Variants in GOLGB1 observed in about 807,000 individuals in gnomAD.
GOLGB1 encodes golgin B1.
A neutral mutation model predicts 336.9 loss-of-function variants in GOLGB1; 174 were observed. The ratio of observed to expected loss-of-function variants is 0.52; its 90% CI spans 0.46 to 0.59. The LOEUF (loss-of-function observed/expected upper bound fraction) is 0.59, where lower values mean the gene tolerates loss of function less well. Ranked by LOEUF, GOLGB1 falls within the 20% of genes least tolerant of loss-of-function variation. The pLI is 0.00. For synonymous variants in GOLGB1, 1,208 were observed against 1,289.2 expected (o/e 0.94, Z 1.35); for missense variants, 3,331 against 3,645.3 (o/e 0.91, Z 2.22).
intron 17 of GOLGB1, among the ~76,000 whole-genome samples, chr3:121,670,460 A>T (rs1356290153): frequency 6.6e-6 from 1 of 152,214 alleles, no homozygotes; most frequent in Non-Finnish European, 1.5e-5. Context: ...AAGATAATCC[A>T]TACATACTTG....
rs773742147 is a variant in GOLGB1 at position 121,691,944 on chromosome 3, G to A, written c.7420C>T (p.Leu2474Phe). Residue 2474 changes from leucine (L) to phenylalanine (F), a missense_variant, in exon 14 of 22, where the codon CTC becomes TTC. Transcript: ENST00000614479. ...ACTATGCGGTCTCGATCATTTTGGA[G>A]AGAAGACATGGATTTAACAAAGGAA... is the stretch of plus-strand genomic sequence containing the variant. ...LDSFVKSMSS[L>F]QNDRDRIVGD... 1 of 1,614,170 alleles carries A rather than the reference G, an allele frequency of 6.2e-7. No homozygotes were observed. Among genetic ancestry groups the A allele is most frequent in the Non-Finnish European group, 8.5e-7 (1 of 1,180,002 alleles).
intron 13 of GOLGB1, among the ~76,000 whole-genome samples, chr3:121,693,354 G>A (rs568684421): frequency 6.6e-5 from 10 of 152,278 alleles, no homozygotes; most frequent in Admixed American, 2.0e-4. Flanking sequence ...TGGGCGTGTT[G>A]GTAGGCTCCT....
Position 121,693,878 on chromosome 3 carries a change from T to C in GOLGB1, c.6645A>G (p.Lys2215=). 1.9e-6 allele frequency: 3 copies of C among 1,614,076 alleles called. No individual in the cohort carries two copies. Among genetic ancestry groups the C allele is most frequent in the Non-Finnish European group, 2.5e-6 (3 of 1,179,916 alleles). Reference sequence around the variant, plus strand: ...TCGCATCACTAAACTTCCTCTCCCATTTCTTAGCTTCATCTATCACCCTGT... The same window carrying C: ...TCGCATCACTAAACTTCCTCTCCCACTTCTTAGCTTCATCTATCACCCTGT... The part of the protein sequence containing the change: ...DRDRVIDEAK[K]WERKFSDAIQ... Residue 2215 remains lysine (K), a synonymous_variant, in exon 13 of 22, where the codon AAA becomes AAG. Transcript: ENST00000614479.
intron 12 of GOLGB1, 44 bp from the exon 13 acceptor site, chr3:121,698,973 T>A: frequency 7.2e-7 from 1 of 1,394,116 alleles, no homozygotes; most frequent in Non-Finnish European, 9.6e-7. Flanking sequence ...AAATGTTTTA[T>A]AACATTAAAA....
At chr3:121,677,201 T>TA in intron 16 of GOLGB1, 84 bp downstream of exon 16, 1 of 1,269,842 alleles carries the variant, frequency 7.9e-7, no homozygotes, top group Non-Finnish European at 1.1e-6. Flanking sequence ...GGGTAGCGTC[T>TA]TAAAAAAAAA....
At chr3:121,703,511 G>A (rs1943573094) in intron 10 of GOLGB1, among the ~76,000 whole-genome samples, 1 of 152,182 alleles carries the variant, frequency 6.6e-6, no homozygotes, top group Admixed American at 6.5e-5. Flanking sequence ...TGAATTCTGT[G>A]TATAAACTTA....
chr3:121,746,634 C>G (rs1947305754), intron 1 of GOLGB1, among the ~76,000 whole-genome samples: 1 of 152,102 alleles, frequency 6.6e-6, no homozygotes, highest in Non-Finnish European at 1.5e-5. Context: ...CCCGCTGCCA[C>G]GACTGGCTAA....
At chr3:121,667,636 GCAT>G in intron 19 of GOLGB1, 26 bp from the exon 20 acceptor site, 1 of 1,609,166 alleles carries the variant, frequency 6.2e-7, no homozygotes, top group Non-Finnish European at 8.5e-7. Flanking sequence ...AAAACAAAAA[GCAT>G]CATCAGATGC....
At chr3:121,679,311 T>C (rs1940790503) in intron 15 of GOLGB1, among the ~76,000 whole-genome samples, 11 of 152,194 alleles carry the variant, frequency 7.2e-5, no homozygotes. Context: ...TAAGGAATAC[T>C]TAACCTGCAT....
At chr3:121,747,338 T>C (rs920909336) in intron 1 of GOLGB1, among the ~76,000 whole-genome samples, 2 of 137,716 alleles carry the variant, frequency 1.5e-5, no homozygotes, top group Non-Finnish European at 3.1e-5. Context: ...TACGTATATA[T>C]GTATATATAT....
chr3:121,748,910 T>C, intron 1 of GOLGB1: 1 of 985,074 alleles, frequency 1.0e-6, no homozygotes, highest in Non-Finnish European at 1.2e-6. Flanking sequence ...CCCTTTCACA[T>C]TCCGGTTGTG....
intron 1 of GOLGB1, among the ~76,000 whole-genome samples, chr3:121,733,769 T>G (rs1157828091): frequency 6.6e-6 from 1 of 152,180 alleles, no homozygotes; most frequent in Non-Finnish European, 1.5e-5. Flanking sequence ...AGTCAACTGA[T>G]TTTTAACAAA....
At chr3:121,717,263 C>A in intron 8 of GOLGB1, 124 bp from the exon 9 acceptor site, 3 of 737,762 alleles carry the variant, frequency 4.1e-6, no homozygotes, top group South Asian at 2.0e-5. Flanking sequence ...AGAGAGAAAG[C>A]CCTTCTCAAG....
At chr3:121,683,079 T>TC (rs1941284378) in intron 14 of GOLGB1, among the ~76,000 whole-genome samples, 1 of 128,264 alleles carries the variant, frequency 7.8e-6, no homozygotes, top group African/African-American at 3.2e-5. Flanking sequence ...TTTTTTTTTT[T>TC]TTTGGAGAGA....
Position 121,690,712 on chromosome 3 carries a change from T to A in GOLGB1, c.8652A>T (p.Leu2884Phe), listed in dbSNP as rs373216640. 2.0e-6 allele frequency: 3 copies of A among 1,524,642 alleles called. No individual in the cohort carries two copies. The highest frequency in any genetic ancestry group is 2.6e-6 in the Non-Finnish European group (3 of 1,140,908). The allele number at this position is 1,524,642 out of a possible 1,614,324, so 94.4% of individuals were successfully genotyped here. A position where few individuals can be genotyped will look rare whatever the true frequency, so the allele number is the denominator to read the frequency against. ...PSTSPAEVQS[L>F]KKAMSSLQND... The stretch of plus-strand genomic sequence containing the variant: ...TTTGGAGTGAAGACATAGCTTTTTT[T>A]AAACTCTGTACTTCAGCTGGGCTGG... The change falls in exon 14 of 22, where the codon TTA becomes TTT. Residue 2884 changes from leucine (L) to phenylalanine (F), a missense_variant. By Grantham distance (22) the Leu-to-Phe change is conservative. Coordinates refer to ENST00000614479, the MANE Select transcript of GOLGB1 (RefSeq NM_001366282.2).
At chr3:121,673,069 T>G (rs1431176482) in intron 17 of GOLGB1, among the ~76,000 whole-genome samples, 1 of 149,820 alleles carries the variant, frequency 6.7e-6, no homozygotes, top group Admixed American at 6.6e-5. Flanking sequence ...TTTTTTGTTT[T>G]TTGGTTTTTT....
At chr3:121,706,735 A>AC (rs1943878852) in intron 10 of GOLGB1, among the ~76,000 whole-genome samples, 1 of 143,702 alleles carries the variant, frequency 7.0e-6, no homozygotes, top group Non-Finnish European at 1.5e-5. Context: ...CTCTGTCTCA[A>AC]AAAAAAAAAA....
chr3:121,691,860 G>A lies in GOLGB1; in HGVS notation c.7504C>T (p.Leu2502Phe). Residue 2502 changes from leucine to phenylalanine, a missense_variant, in exon 14 of 22, where the codon CTC becomes TTC. Transcript: ENST00000614479. ...HLSIILEKDQ[L>F]IQEAAAENNK... Reference sequence around the variant, plus strand: ...TTCTCTGCAGCAGCCTCTTGGATGAGTTGGTCTTTTTCCAAGATTATAGAG... The same window carrying A: ...TTCTCTGCAGCAGCCTCTTGGATGAATTGGTCTTTTTCCAAGATTATAGAG... 4.3e-6 allele frequency: 7 copies of A among 1,612,790 alleles called. No homozygotes were observed. The highest frequency in any genetic ancestry group is 5.9e-6 in the Non-Finnish European group (7 of 1,179,008).
chr3:121,704,089 A>T (rs542757213), intron 10 of GOLGB1, among the ~76,000 whole-genome samples: 1 of 152,216 alleles, frequency 6.6e-6, no homozygotes, highest in Non-Finnish European at 1.5e-5. Context: ...AAATCAACTG[A>T]AATTATCCAA....
Sources: allele counts gnomAD v4.1 joint callset (sites outside exome capture counted in the v4.1 genomes callset), GRCh38; gene constraint gnomAD v4.1.1; transcripts MANE v1.5; gene names NCBI Gene and HGNC (gene_info 2026-07-23, HGNC 2026-07-21).